Variants in TTC29 observed in about 807,000 individuals in gnomAD.
The protein encoded by TTC29 is tetratricopeptide repeat protein 29.
In TTC29, 49 loss-of-function variants were observed where a neutral mutation model predicts 58.1. That is an observed-to-expected ratio of 0.84 (90% confidence interval 0.67 to 1.07). TTC29 has a LOEUF of 1.07. TTC29 is among the 50% of genes least tolerant of loss of function. The pLI is 0.00. For missense variants in TTC29, 582 were observed against 555.6 expected, an observed-to-expected ratio of 1.05 and a Z score of -0.48; for synonymous variants, 209 against 196.8, an observed-to-expected ratio of 1.06 and a Z score of -0.52.
At chr4:146,727,630 A>C (rs1743892254) in intron 11 of TTC29, among the ~76,000 whole-genome samples, 1 of 152,162 alleles carries the variant, frequency 6.6e-6, no homozygotes, top group Non-Finnish European at 1.5e-5. Flanking sequence ...TCACTTAGTA[A>C]TATGCATTTA....
chr4:146,752,659 AG>A (rs1349546167), intron 11 of TTC29, among the ~76,000 whole-genome samples: 3 of 152,072 alleles, frequency 2.0e-5, no homozygotes, highest in Admixed American at 6.6e-5. Context: ...CTATACTACA[AG>A]GCTACAGTAA....
At chr4:146,939,067 T>C (rs1484496338) in intron 3 of TTC29, among the ~76,000 whole-genome samples, 1 of 152,200 alleles carries the variant, frequency 6.6e-6, no homozygotes, top group Non-Finnish European at 1.5e-5. Context: ...TTTCAGGAGC[T>C]GATTCTTGCC....
intron 6 of TTC29, among the ~76,000 whole-genome samples, chr4:146,884,196 A>G (rs1436617949): frequency 6.6e-6 from 1 of 152,148 alleles, no homozygotes; most frequent in Non-Finnish European, 1.5e-5. Flanking sequence ...ATGCTAATCC[A>G]CTTCTTTAAG....
At chr4:146,838,259 G>A (rs1293005537) in intron 8 of TTC29, among the ~76,000 whole-genome samples, 2 of 151,964 alleles carry the variant, frequency 1.3e-5, no homozygotes, top group Non-Finnish European at 1.5e-5. Flanking sequence ...AAATGAGAGT[G>A]TACAAAAGAA....
At chr4:146,833,616 G>A (rs1242631547) in intron 9 of TTC29, among the ~76,000 whole-genome samples, 190 bp downstream of exon 9, 5 of 152,202 alleles carry the variant, frequency 3.3e-5, no homozygotes, top group Non-Finnish European at 7.3e-5. Context: ...CACAGACAAA[G>A]AAGAGTTTAG....
At chr4:146,829,088 A>C (rs1727995095) in intron 9 of TTC29, among the ~76,000 whole-genome samples, 1 of 152,246 alleles carries the variant, frequency 6.6e-6, no homozygotes, top group African/African-American at 2.4e-5. Context: ...CTTGAACAGC[A>C]TATTATATGG....
chr4:146,724,341 A>G (rs940546734), intron 11 of TTC29, among the ~76,000 whole-genome samples: 2 of 152,156 alleles, frequency 1.3e-5, no homozygotes, highest in African/African-American at 4.8e-5. Flanking sequence ...TGTCCAAGTA[A>G]CAAACCTGCA....
chr4:146,930,564 C>T (rs1735263488), intron 4 of TTC29, among the ~76,000 whole-genome samples: 2 of 152,116 alleles, frequency 1.3e-5, no homozygotes, highest in African/African-American at 4.8e-5. Flanking sequence ...GAACAGGATA[C>T]GGGTATAGGC....
At chr4:146,708,683 A>AT (rs1742249325) in intron 11 of TTC29, among the ~76,000 whole-genome samples, 1 of 151,500 alleles carries the variant, frequency 6.6e-6, no homozygotes, top group African/African-American at 2.4e-5. Context: ...CCTTCATTCT[A>AT]TTTTTTATTA....
At chr4:146,860,955 A>G (rs528125062) in intron 8 of TTC29, among the ~76,000 whole-genome samples, 6 of 152,326 alleles carry the variant, frequency 3.9e-5, no homozygotes, top group Non-Finnish European at 8.8e-5. Context: ...AATAAATAAT[A>G]GTAATGGGGT....
intron 8 of TTC29, among the ~76,000 whole-genome samples, chr4:146,864,011 G>T (rs182498528): frequency 6.6e-6 from 1 of 151,990 alleles, no homozygotes; most frequent in Non-Finnish European, 1.5e-5. Flanking sequence ...GAAATGTTTC[G>T]CCAGCTATCT....
At chr4:146,725,894 T>G (rs563763700) in intron 11 of TTC29, among the ~76,000 whole-genome samples, 1 of 152,030 alleles carries the variant, frequency 6.6e-6, no homozygotes, top group Non-Finnish European at 1.5e-5. Context: ...ATTTTTAGAG[T>G]CAGGGTCTCA....
In TTC29 at chr4:146,937,642, T is replaced by C; in HGVS notation, c.128A>G (p.His43Arg). 2 of 1,541,276 alleles carry C rather than the reference T, an allele frequency of 1.3e-6. No individual in the cohort carries two copies. Among genetic ancestry groups the C allele is most frequent in the East Asian group, 2.4e-5 (1 of 42,002 alleles). Residue 43 changes from histidine (H) to arginine (R), a missense_variant, in exon 4 of 13, where the codon CAT (histidine) becomes CGT (arginine). His to Arg is a conservative substitution (Grantham distance 29). Coordinates refer to ENST00000325106, the MANE Select transcript of TTC29 (RefSeq NM_031956.4). Reference sequence around the variant, plus strand: ...TCCTTTGAAATTTACCTCTAGATAATGATCTATGTCATCTTTTTCTTTGAT... The same window carrying C: ...TCCTTTGAAATTTACCTCTAGATAACGATCTATGTCATCTTTTTCTTTGAT... ...QLIKEKDDID[H>R]YLEVNFKGLS... is the part of the protein sequence containing the mutation.
chr4:146,868,718 G>A (rs1439692630), intron 7 of TTC29, among the ~76,000 whole-genome samples: 1 of 152,052 alleles, frequency 6.6e-6, no homozygotes, highest in Admixed American at 6.6e-5. Context: ...CCTGACTAAT[G>A]CAAATGCTGA....
intron 7 of TTC29, among the ~76,000 whole-genome samples, chr4:146,868,935 G>A (rs1730743909): frequency 2.6e-5 from 4 of 151,852 alleles, no homozygotes; most frequent in Admixed American, 2.6e-4. Flanking sequence ...GTCCACATGA[G>A]AGCTGATTGC....
chr4:146,771,792 G>T (rs1349498949), intron 11 of TTC29, among the ~76,000 whole-genome samples: 1 of 152,018 alleles, frequency 6.6e-6, no homozygotes, highest in Non-Finnish European at 1.5e-5. Flanking sequence ...AGGGTTTTTG[G>T]GTTGAATGGT....
intron 11 of TTC29, among the ~76,000 whole-genome samples, chr4:146,797,102 T>A (rs1237894065): frequency 1.3e-5 from 2 of 152,212 alleles, no homozygotes; most frequent in African/African-American, 4.8e-5. Flanking sequence ...AAGAAGAGAC[T>A]GATGAGCACT....
chr4:146,836,573 A>C (rs1228629671), intron 8 of TTC29, among the ~76,000 whole-genome samples: 1 of 152,122 alleles, frequency 6.6e-6, no homozygotes, highest in Non-Finnish European at 1.5e-5. Flanking sequence ...GTCTTCATTA[A>C]AATAAAAAAG....
chr4:146,807,630 A>C (rs1445826174), intron 10 of TTC29, among the ~76,000 whole-genome samples: 1 of 152,224 alleles, frequency 6.6e-6, no homozygotes, highest in Non-Finnish European at 1.5e-5. Flanking sequence ...AAATAACTAG[A>C]AAATATAGAA....
Sources: allele counts gnomAD v4.1 joint callset (sites outside exome capture counted in the v4.1 genomes callset), GRCh38; gene constraint gnomAD v4.1.1; transcripts MANE v1.5; gene names NCBI Gene and HGNC (gene_info 2026-07-23, HGNC 2026-07-21).